The following CADM2 variants were observed in gnomAD, a reference collection of about 807,000 sequenced individuals.
CADM2 encodes immunoglobulin superfamily member 4D.
CADM2 carries 12 observed loss-of-function variants against 49.8 expected under a neutral mutation model. That is an observed-to-expected ratio of 0.24 (90% confidence interval 0.15 to 0.39). The LOEUF is 0.39. Ranked by LOEUF, CADM2 falls within the 10% of genes least tolerant of loss-of-function variation. CADM2 has a pLI of 1.00. For synonymous variants in CADM2, 214 were observed against 175.4 expected, an observed-to-expected ratio of 1.22 and a Z score of -1.74; for missense variants, 378 against 492.3, an observed-to-expected ratio of 0.77 and a Z score of 2.20.
At chr3:86,022,084 T>C (rs1352944489) in intron 8 of CADM2, among the ~76,000 whole-genome samples, 2 of 152,172 alleles carry the variant, frequency 1.3e-5, no homozygotes, top group Non-Finnish European at 2.9e-5. Flanking sequence ...CCTTATAATA[T>C]CATGTTGTAT....
intron 1 of CADM2, among the ~76,000 whole-genome samples, chr3:85,453,761 T>C (rs540932095): frequency 6.6e-6 from 1 of 152,178 alleles, no homozygotes. Context: ...ATAATTAGAT[T>C]TAAACTATGT....
At chr3:85,353,132 A>G (rs1389137994) in intron 1 of CADM2, among the ~76,000 whole-genome samples, 1 of 151,880 alleles carries the variant, frequency 6.6e-6, no homozygotes, top group Non-Finnish European at 1.5e-5. Context: ...ATTTTTTCTT[A>G]TTTTTTTATG....
intron 8 of CADM2, among the ~76,000 whole-genome samples, chr3:86,040,292 AG>A (rs1735705182): frequency 6.6e-6 from 1 of 152,212 alleles, no homozygotes; most frequent in African/African-American, 2.4e-5. Context: ...TCTGAGCTAA[AG>A]GAGGAAGTTC....
At chr3:85,304,655 T>C (rs1188456361) in intron 1 of CADM2, among the ~76,000 whole-genome samples, 1 of 151,752 alleles carries the variant, frequency 6.6e-6, no homozygotes, top group African/African-American at 2.4e-5. Context: ...TGGACATACG[T>C]TTAACTTTGT....
chr3:84,960,785 C>T (rs1019497240), intron 1 of CADM2, among the ~76,000 whole-genome samples: 1 of 151,942 alleles, frequency 6.6e-6, no homozygotes, highest in African/African-American at 2.4e-5. Flanking sequence ...AATGGGAGGA[C>T]GATGCTGATT....
At chr3:86,053,581 T>A (rs1737584057) in intron 8 of CADM2, among the ~76,000 whole-genome samples, 4 of 152,056 alleles carry the variant, frequency 2.6e-5, no homozygotes, top group African/African-American at 9.7e-5. Flanking sequence ...TGCTCAGGCA[T>A]CCATAAGCCA....
chr3:85,152,121 C>T (rs1050324365), intron 1 of CADM2, among the ~76,000 whole-genome samples: 11 of 152,070 alleles, frequency 7.2e-5, no homozygotes, highest in African/African-American at 2.7e-4. Flanking sequence ...AGAGACTACC[C>T]AGGGACCATT....
intron 1 of CADM2, among the ~76,000 whole-genome samples, chr3:85,587,628 C>T (rs2062981129): frequency 6.6e-6 from 1 of 152,010 alleles, no homozygotes; most frequent in Non-Finnish European, 1.5e-5. Flanking sequence ...TGTCCCTTTT[C>T]ATGTTTCATG....
intron 1 of CADM2, among the ~76,000 whole-genome samples, chr3:85,707,901 T>C (rs1475021257): frequency 1.3e-5 from 2 of 152,178 alleles, no homozygotes; most frequent in East Asian, 1.9e-4. Context: ...ATTATAAGCA[T>C]TACCATTACC....
At chr3:85,287,281 T>C (rs1020910241) in intron 1 of CADM2, among the ~76,000 whole-genome samples, 137 of 147,356 alleles carry the variant, frequency 9.3e-4, no homozygotes, top group Non-Finnish European at 9.9e-4. Flanking sequence ...ATGTCCATAC[T>C]TTTTTTTTTT....
chr3:85,118,999 T>C (rs2038748545), intron 1 of CADM2, among the ~76,000 whole-genome samples: 1 of 152,182 alleles, frequency 6.6e-6, no homozygotes, highest in South Asian at 2.1e-4. Context: ...TCCATCCATC[T>C]TGGCCTCCCA....
chr3:85,981,822 T>C (rs1050571347), intron 8 of CADM2, among the ~76,000 whole-genome samples: 1 of 151,764 alleles, frequency 6.6e-6, no homozygotes, highest in South Asian at 2.1e-4. Context: ...AACATATGTG[T>C]GCGTGTGTCT....
intron 1 of CADM2, among the ~76,000 whole-genome samples, chr3:85,525,986 A>G (rs569835995): frequency 7.9e-5 from 12 of 152,232 alleles, no homozygotes; most frequent in African/African-American, 2.9e-4. Context: ...ACATAGTTAT[A>G]AACCTTACAC....
chr3:85,849,079 A>G (rs1295887271), intron 3 of CADM2, among the ~76,000 whole-genome samples: 1 of 152,208 alleles, frequency 6.6e-6, no homozygotes, highest in Non-Finnish European at 1.5e-5. Context: ...TCTCTGGGCC[A>G]GTGCTTCCTA....
chr3:85,926,111 G>A (rs900984697), intron 6 of CADM2, among the ~76,000 whole-genome samples: 7 of 151,134 alleles, frequency 4.6e-5, no homozygotes, highest in Non-Finnish European at 8.8e-5. Flanking sequence ...CACTCCAGCC[G>A]GACGACAGAG....
intron 3 of CADM2, among the ~76,000 whole-genome samples, chr3:85,826,921 G>C (rs1320434451): frequency 6.6e-6 from 1 of 151,848 alleles, no homozygotes; most frequent in Admixed American, 6.6e-5. Flanking sequence ...GTGGAAGTTA[G>C]AATAGATATA....
intron 4 of CADM2, 64 bp downstream of exon 4, chr3:85,883,507 C>T: frequency 3.8e-6 from 5 of 1,311,672 alleles, no homozygotes; most frequent in East Asian, 2.4e-5. Context: ...GCTACAGCAA[C>T]ATAATTCAAT....
At chr3:85,617,455 C>G (rs1202427596) in intron 1 of CADM2, among the ~76,000 whole-genome samples, 2 of 152,154 alleles carry the variant, frequency 1.3e-5, no homozygotes, top group African/African-American at 4.8e-5. Flanking sequence ...CAGTAGCCCA[C>G]CATCTCCTGC....
chr3:85,705,760 T>C (rs2107722758), intron 1 of CADM2, among the ~76,000 whole-genome samples: 1 of 152,328 alleles, frequency 6.6e-6, no homozygotes. Context: ...CACACAAAAC[T>C]TCACATTCAA....
Sources: gnomAD v4.1 joint callset for allele counts (sites outside exome capture counted in the v4.1 genomes callset) on GRCh38, gnomAD v4.1.1 for gene constraint, MANE v1.5 for transcripts, NCBI Gene and HGNC (gene_info 2026-07-23, HGNC 2026-07-21) for gene names.